Variants in FAM221B observed in about 807,000 individuals in gnomAD.
FAM221B encodes the protein protein FAM221B.
A neutral mutation model predicts 39.8 loss-of-function variants in FAM221B; 35 were observed. The observed-to-expected ratio is 0.88, with a 90% confidence interval of 0.67 to 1.17. FAM221B has a LOEUF of 1.17. Among genes scored for constraint, FAM221B ranks in the 50% most tolerant of loss-of-function variants. FAM221B has a pLI of 0.00. For missense variants in FAM221B, 479 were observed against 503.1 expected (o/e 0.95, Z 0.46); for synonymous variants, 158 against 178.1 (o/e 0.89, Z 0.90).
Position 35,819,246 on chromosome 9 carries a change from G to A in FAM221B, c.1002C>T (p.His334=). The A allele has an allele frequency of 1.9e-6, 3 of 1,551,744 alleles. No homozygotes were observed. Among genetic ancestry groups the A allele is most frequent in the Non-Finnish European group, 2.6e-6 (3 of 1,146,998 alleles). Residue 334 remains histidine (H), a synonymous_variant, in exon 5 of 7, where the codon CAC becomes CAT. Transcript: ENST00000423537. ...CAGTGGCTGCATGTTCTTCGTGGCTGTGTTTGCAGCGACATTGGGCCCTCC... is the reference window on the plus strand; with the variant it reads ...CAGTGGCTGCATGTTCTTCGTGGCTATGTTTGCAGCGACATTGGGCCCTCC... ...KAWRAQCRCK[H]SHEEHAATGP...
intron 3 of FAM221B, among the ~76,000 whole-genome samples, chr9:35,822,288 T>A (rs1046275040): frequency 1.3e-5 from 2 of 152,230 alleles, no homozygotes; most frequent in Non-Finnish European, 2.9e-5. Context: ...ATCCTACCAC[T>A]TACTTATGCC....
At position 35,819,409 on chromosome 9, in the gene FAM221B, A is replaced by T. The variant is rs1056919560; in HGVS notation, c.854-15T>A. On this transcript the variant is annotated splice_polypyrimidine_tract_variant and intron_variant, in intron 4 of 6. Coordinates refer to ENST00000423537, the MANE Select transcript of FAM221B (RefSeq NM_001012446.4). ...CACCGATATGTCTGTGGGATTGGGG[A>T]TGGATGGTAGGGTTAATCTGATAGG... 2.6e-6 allele frequency: 4 copies of T among 1,549,268 alleles called. No homozygotes were observed. In the African/African-American group the frequency reaches 5.5e-5, roughly 21 times the overall value.
In FAM221B at chr9:35,817,238, C is replaced by G. The variant is rs1231217926; in HGVS notation, c.*1231G>C. On this transcript the variant is annotated 3_prime_UTR_variant, in exon 7 of 7. Transcript: ENST00000423537. ...TTCACTGATTTTGATCCTTGGCCCACAGTTTTCTCTACTTCAAGCACTTAT... is the reference window on the plus strand; with the variant it reads ...TTCACTGATTTTGATCCTTGGCCCAGAGTTTTCTCTACTTCAAGCACTTAT... 6.6e-6 allele frequency: 1 copy of G among 152,276 alleles called. No individual in the cohort carries two copies. Among genetic ancestry groups the G allele is most frequent in the Non-Finnish European group, 1.5e-5 (1 of 68,116 alleles). 9.4% of individuals were successfully genotyped at this position (152,276 alleles called of 1,614,324 possible). A position where few individuals can be genotyped will look rare whatever the true frequency, so the allele number is the denominator to read the frequency against.
chr9:35,825,201 C>T lies in FAM221B; in HGVS notation c.742+29G>A, dbSNP rs1255365591. On this transcript the variant is annotated intron_variant, in intron 3 of 6. Transcript: ENST00000423537. The surrounding 1 kb of genome is among the most constrained non-coding windows in gnomAD (Gnocchi z 4.2). ...TTAGAGGATGCCCATGGGCCTGTCA[C>T]AGGCCTCTGAAAGGCCACATGGGCT... The T allele has an allele frequency of 6.2e-7, 1 of 1,613,302 alleles. No homozygotes were observed. Among genetic ancestry groups the T allele is most frequent in the Non-Finnish European group, 8.5e-7 (1 of 1,179,498 alleles).
At chr9:35,823,996 T>C (rs1392540768) in intron 3 of FAM221B, among the ~76,000 whole-genome samples, 9 of 150,248 alleles carry the variant, frequency 6.0e-5, no homozygotes, top group Admixed American at 6.0e-4. Flanking sequence ...TAACCGAATA[T>C]GTTAACATAA....
rs1052104745 is a variant in FAM221B, at chr9:35,816,662, T to C, written c.*1807A>G. 4 of 152,236 alleles carry C rather than the reference T, an allele frequency of 2.6e-5. No homozygotes were observed. The highest frequency in any genetic ancestry group is 5.9e-5 in the Non-Finnish European group (4 of 68,034). 9.4% of individuals were successfully genotyped at this position (152,236 alleles called of 1,614,324 possible). A position where few individuals can be genotyped will look rare whatever the true frequency, so the allele number is the denominator to read the frequency against. On this transcript the variant is annotated 3_prime_UTR_variant, in exon 7 of 7. Transcript: ENST00000423537. The stretch of plus-strand genomic sequence containing the variant: ...AGTTGAATTAGTTTTAGGTGAATGG[T>C]TATCATGGGGCATATAACCACTGTT...
At position 35,825,400 on chromosome 9, in the gene FAM221B, G is replaced by A. The variant is rs1446387884; in HGVS notation, c.599-27C>T. ...TAGGATGGGAGAGGATGAGTAACCA[G>A]GGGGAAGTGAGAAGGCCCTAAAACT... On this transcript the variant is annotated intron_variant, in intron 2 of 6. Coordinates refer to ENST00000423537, the MANE Select transcript of FAM221B (RefSeq NM_001012446.4). This position sits in a 1 kb window ranked among gnomAD's most constrained non-coding sequence, Gnocchi z 4.2. 5 of 1,613,236 alleles carry A rather than the reference G, an allele frequency of 3.1e-6. No individual in the cohort carries two copies. Among genetic ancestry groups the A allele is most frequent in the Non-Finnish European group, 4.2e-6 (5 of 1,179,880 alleles).
intron 1 of FAM221B, chr9:35,826,945 T>A (rs1216662146): frequency 6.6e-6 from 1 of 152,370 alleles, no homozygotes; most frequent in Non-Finnish European, 1.5e-5. Flanking sequence ...TAGCTGGAAT[T>A]ACAGGCGTGT....
chr9:35,818,426 C>A lies in FAM221B; in HGVS notation c.*43G>T. Reference sequence around the variant, plus strand: ...CTACCTGCCCCATATAGAGCCAAGTCAGGTTCCAATGACTCCTCTTTTATT... The same window carrying A: ...CTACCTGCCCCATATAGAGCCAAGTAAGGTTCCAATGACTCCTCTTTTATT... On this transcript the variant is annotated 3_prime_UTR_variant, in exon 7 of 7. Transcript: ENST00000423537. 1 of 1,546,720 alleles carries A rather than the reference C, an allele frequency of 6.5e-7. No individual in the cohort carries two copies. Among genetic ancestry groups the A allele is most frequent in the South Asian group, 1.2e-5 (1 of 83,946 alleles).
chr9:35,822,864 G>T (rs1347590475), intron 3 of FAM221B, among the ~76,000 whole-genome samples: 3 of 152,080 alleles, frequency 2.0e-5, no homozygotes, highest in Non-Finnish European at 4.4e-5. Flanking sequence ...CTACCCTATT[G>T]CCAGAGTGAT....
chr9:35,818,150 ATCT>A lies in FAM221B; in HGVS notation c.*316_*318del. ...ACTGCACTCTCCGATGTTCCCAAAG[ATCT>A]TCTAATTGCAAAACCCAATGGACAC... On this transcript the variant is annotated 3_prime_UTR_variant, in exon 7 of 7. Coordinates refer to ENST00000423537, the MANE Select transcript of FAM221B (RefSeq NM_001012446.4). 2.7e-6 allele frequency: 1 copy of A among 364,628 alleles called. No individual in the cohort carries two copies. Among genetic ancestry groups the A allele is most frequent in the Non-Finnish European group, 5.1e-6 (1 of 194,600 alleles). The allele number at this position is 364,628 out of a possible 1,614,324, so 22.6% of individuals were successfully genotyped here.
intron 4 of FAM221B, 62 bp from the exon 5 acceptor site, chr9:35,819,456 C>T: frequency 6.9e-7 from 1 of 1,446,828 alleles, no homozygotes; most frequent in Non-Finnish European, 9.4e-7. Context: ...TCATGCCAAC[C>T]CCATCCTCCA....
intron 4 of FAM221B, 100 bp from the exon 5 acceptor site, chr9:35,819,494 A>G (rs1286663343): frequency 1.8e-6 from 2 of 1,097,200 alleles, no homozygotes; most frequent in African/African-American, 1.6e-5. Context: ...GCACGCAGAC[A>G]TGCTTTTTTT....
chr9:35,819,133 T>C, intron 5 of FAM221B, 64 bp downstream of exon 5: 1 of 1,532,670 alleles, frequency 6.5e-7, no homozygotes, highest in South Asian at 1.2e-5. Context: ...TCCATCATTA[T>C]CCCCAGATTG....
At chr9:35,818,638 T>A in intron 6 of FAM221B, 132 bp from the exon 7 acceptor site, 1 of 1,031,552 alleles carries the variant, frequency 9.7e-7, no homozygotes, top group Admixed American at 2.0e-5. Flanking sequence ...GGCCCCTGTA[T>A]CTGCAGGGCC....
chr9:35,826,242 T>C, intron 1 of FAM221B, 81 bp from the exon 2 acceptor site: 2 of 1,057,482 alleles, frequency 1.9e-6, no homozygotes, highest in Admixed American at 2.3e-5. Context: ...GGGTTCGCAG[T>C]GCATTATGGA....
chr9:35,820,839 C>T (rs2132140454), intron 3 of FAM221B, among the ~76,000 whole-genome samples: 1 of 152,292 alleles, frequency 6.6e-6, no homozygotes, highest in East Asian at 1.9e-4. Context: ...GAATCCCTGG[C>T]TTCGTGACTA....
intron 3 of FAM221B, among the ~76,000 whole-genome samples, chr9:35,823,309 T>C (rs376461036): frequency 6.6e-6 from 1 of 152,228 alleles, no homozygotes; most frequent in Non-Finnish European, 1.5e-5. Context: ...CTCATTAGAG[T>C]GCCAAGTATT....
Position 35,818,247 on chromosome 9 carries a change from ACTTCCTCCCTTCTT to A in FAM221B, c.*208_*221del. 2 of 574,198 alleles carry A rather than the reference ACTTCCTCCCTTCTT, an allele frequency of 3.5e-6. No homozygotes were observed. The highest frequency in any genetic ancestry group is 6.3e-6 in the Non-Finnish European group (2 of 319,824). 35.6% of individuals were successfully genotyped at this position (574,198 alleles called of 1,614,324 possible). On this transcript the variant is annotated 3_prime_UTR_variant, in exon 7 of 7. Transcript: ENST00000423537. ...CACTTCCCACTCTATCCTTCTTGAA[ACTTCCTCCCTTCTT>A]GACTTCCTTGAAGCCACTTTCCTTC...
Sources: gnomAD v4.1 joint callset for allele counts (sites outside exome capture counted in the v4.1 genomes callset) on GRCh38, gnomAD v4.1.1 for gene constraint, Gnocchi (gnomAD v3.1) non-coding constraint, MANE v1.5 for transcripts, NCBI Gene and HGNC (gene_info 2026-07-23, HGNC 2026-07-21) for gene names.